The following DOCK4 variants were observed in gnomAD, a reference collection of about 807,000 sequenced individuals.
DOCK4 encodes the protein dedicator of cytokinesis protein 4.
Under a neutral mutation model 268.1 loss-of-function variants are expected in DOCK4, and 97 were observed. The observed-to-expected ratio is 0.36, with a 90% CI of 0.31 to 0.43. The LOEUF (loss-of-function observed/expected upper bound fraction) is 0.43. DOCK4 is among the 20% of genes least tolerant of loss of function. The pLI is 1.00. For synonymous variants in DOCK4, 954 were observed against 887.2 expected (o/e 1.08, Z -1.34); for missense variants, 2,145 against 2,455.7 (o/e 0.87, Z 2.67).
intron 16 of DOCK4, among the ~76,000 whole-genome samples, chr7:111,879,094 G>A (rs924347789): frequency 2.0e-5 from 3 of 151,930 alleles, no homozygotes. Flanking sequence ...GAGGAGAGAA[G>A]AGTGAAAAGT....
intron 2 of DOCK4, among the ~76,000 whole-genome samples, chr7:112,003,237 A>G (rs1800584886): frequency 6.6e-6 from 1 of 151,922 alleles, no homozygotes. Context: ...AAAATAAAAA[A>G]ATCAGCCAAG....
Position 111,834,613 on chromosome 7 carries a change from C to G in DOCK4, c.2810G>C (p.Ser937Thr). 1 of 1,553,238 alleles carries G rather than the reference C, an allele frequency of 6.4e-7. No individual in the cohort carries two copies. Among genetic ancestry groups the G allele is most frequent in the Non-Finnish European group, 8.7e-7 (1 of 1,148,116 alleles). Residue 937 changes from serine (S) to threonine (T), a missense_variant, in exon 26 of 53, where the codon AGT becomes ACT. Coordinates refer to ENST00000428084, the MANE Select transcript of DOCK4 (RefSeq NM_001363540.2). ...CCTTAGTTCTTCCTTTGTATTAAAA[C>G]TATCAAGAAGCTGTTGATAATGTCT... ...TDRHYQQLLD[S>T]FNTKEELRDF... is the part of the protein sequence containing the mutation.
intron 43 of DOCK4, 101 bp from the exon 44 acceptor site, chr7:111,746,518 T>C (rs1796277628): frequency 1.1e-6 from 1 of 895,950 alleles, no homozygotes; most frequent in Non-Finnish European, 1.7e-6. Flanking sequence ...AATGACACCA[T>C]TACAAACCAC....
intron 5 of DOCK4, among the ~76,000 whole-genome samples, chr7:111,992,984 C>T (rs983751473): frequency 2.0e-5 from 3 of 152,104 alleles, no homozygotes; most frequent in South Asian, 2.1e-4. Flanking sequence ...CCCTCGAGGT[C>T]GGTTATCTTG....
At chr7:112,194,935 T>C (rs1820284285) in intron 1 of DOCK4, among the ~76,000 whole-genome samples, 1 of 152,086 alleles carries the variant, frequency 6.6e-6, no homozygotes, top group African/African-American at 2.4e-5. Flanking sequence ...TGGATGAGAG[T>C]ATTAATGGAG....
At chr7:112,164,388 A>G (rs1015519083) in intron 1 of DOCK4, among the ~76,000 whole-genome samples, 8 of 152,224 alleles carry the variant, frequency 5.3e-5, no homozygotes, top group African/African-American at 1.9e-4. Context: ...ATATACATAT[A>G]TAACTGTCTT....
intron 10 of DOCK4, among the ~76,000 whole-genome samples, chr7:111,943,013 C>A (rs1255194869): frequency 6.6e-6 from 1 of 152,170 alleles, no homozygotes; most frequent in African/African-American, 2.4e-5. Context: ...TGATCTGCCA[C>A]CAATTTCACT....
chr7:111,739,059 C>T (rs1795705814), intron 49 of DOCK4, 75 bp downstream of exon 49: 9 of 1,287,292 alleles, frequency 7.0e-6, no homozygotes, highest in African/African-American at 2.9e-5. Context: ...GCAGCTACCG[C>T]GTGTTTCTGC....
intron 7 of DOCK4, among the ~76,000 whole-genome samples, chr7:111,980,904 G>C (rs1048939213): frequency 6.6e-6 from 1 of 152,168 alleles, no homozygotes; most frequent in African/African-American, 2.4e-5. Context: ...GGCTAATAAG[G>C]CTCCCTTTAT....
Position 111,863,481 on chromosome 7 carries a change from C to T in DOCK4, c.2364G>A (p.Gln788=), listed in dbSNP as rs1476192685. 2 of 1,613,798 alleles carry T rather than the reference C, an allele frequency of 1.2e-6. No homozygotes were observed. Among genetic ancestry groups the T allele is most frequent in the African/African-American group, 1.3e-5 (1 of 74,910 alleles). Reference sequence around the variant, plus strand: ...TGGTCGGCAGACTGCCCAGGGTGTCCTGGACCAAGTTGGCTACTTCCCGGA... The same window carrying T: ...TGGTCGGCAGACTGCCCAGGGTGTCTTGGACCAAGTTGGCTACTTCCCGGA... ...FDVREVANLV[Q]DTLGSLPTIL... Residue 788 remains glutamine (Q), a synonymous_variant, in exon 23 of 53, where the codon CAG becomes CAA. Coordinates refer to ENST00000428084, the MANE Select transcript of DOCK4 (RefSeq NM_001363540.2).
At chr7:112,171,229 T>C (rs981750889) in intron 1 of DOCK4, among the ~76,000 whole-genome samples, 1 of 152,200 alleles carries the variant, frequency 6.6e-6, no homozygotes, top group Non-Finnish European at 1.5e-5. Context: ...TTAATTTTCC[T>C]TTTAAATGGA....
intron 1 of DOCK4, among the ~76,000 whole-genome samples, chr7:112,133,411 G>A (rs1293754191): frequency 1.3e-5 from 2 of 151,982 alleles, no homozygotes; most frequent in Non-Finnish European, 2.9e-5. Context: ...ACACCTCTTT[G>A]CCTGAATGAA....
intron 1 of DOCK4, among the ~76,000 whole-genome samples, chr7:112,015,246 C>T (rs1462832912): frequency 6.6e-6 from 1 of 152,272 alleles, no homozygotes; most frequent in East Asian, 1.9e-4. Flanking sequence ...CCCACCAGCA[C>T]CAGGACAATT....
chr7:111,914,343 T>C (rs11983866), intron 13 of DOCK4, among the ~76,000 whole-genome samples: 30,098 of 152,092 alleles, frequency 0.2, 3,878 homozygotes, highest in African/African-American at 0.36. Context: ...ATAATCTCTA[T>C]ACAGCAACCA....
chr7:111,767,228 T>C (rs1797817663), intron 37 of DOCK4, 110 bp from the exon 38 acceptor site: 2 of 140,016 alleles, frequency 1.4e-5, no homozygotes, highest in Non-Finnish European at 2.6e-5. Context: ...CTCCTTAATC[T>C]TTTTTTTTTT....
At chr7:112,010,920 C>A (rs1801238047) in intron 1 of DOCK4, among the ~76,000 whole-genome samples, 1 of 152,208 alleles carries the variant, frequency 6.6e-6, no homozygotes, top group Admixed American at 6.5e-5. Flanking sequence ...CCTCCTTGAA[C>A]CACAAGGCCA....
chr7:112,077,720 A>G (rs1406447684), intron 1 of DOCK4, among the ~76,000 whole-genome samples: 2 of 152,134 alleles, frequency 1.3e-5, no homozygotes, highest in African/African-American at 4.8e-5. Flanking sequence ...TATCATGGCA[A>G]TATTCTAGGC....
chr7:111,907,813 C>T (rs1162547699), intron 13 of DOCK4, among the ~76,000 whole-genome samples: 1 of 152,150 alleles, frequency 6.6e-6, no homozygotes, highest in African/African-American at 2.4e-5. Flanking sequence ...ACTGCAGCCT[C>T]AACCTGCTGG....
chr7:111,807,718 T>G (rs1586044414), intron 30 of DOCK4: 2 of 152,124 alleles, frequency 1.3e-5, no homozygotes, highest in Admixed American at 6.5e-5. Context: ...TCAAGTGATC[T>G]GCCCGCTCCA....
Sources: gnomAD v4.1 joint callset for allele counts (sites outside exome capture counted in the v4.1 genomes callset) on GRCh38, gnomAD v4.1.1 for gene constraint, MANE v1.5 for transcripts, NCBI Gene and HGNC (gene_info 2026-07-23, HGNC 2026-07-21) for gene names.